Variants in CERS6 observed in about 807,000 individuals in gnomAD.
CERS6 encodes ceramide synthase 6.
A neutral mutation model predicts 56.8 loss-of-function variants in CERS6; 26 were observed. The ratio of observed to expected loss-of-function variants is 0.46; its 90% CI spans 0.34 to 0.63. The LOEUF (loss-of-function observed/expected upper bound fraction) is 0.63. Ranked by LOEUF, CERS6 falls within the 30% of genes least tolerant of loss-of-function variation. CERS6 has a pLI of 0.01. For missense variants in CERS6, 415 were observed against 467.5 expected, an observed-to-expected ratio of 0.89 and a Z score of 1.04; for synonymous variants, 164 against 173.3, an observed-to-expected ratio of 0.95 and a Z score of 0.42.
chr2:168,552,331 C>T (rs188886485), intron 2 of CERS6, among the ~76,000 whole-genome samples: 2 of 146,424 alleles, frequency 1.4e-5, no homozygotes, highest in African/African-American at 2.5e-5. Flanking sequence ...AAGAAACCCC[C>T]ACCCTACATA....
chr2:168,650,885 C>CAAG (rs1685326296), intron 4 of CERS6, among the ~76,000 whole-genome samples: 1 of 152,084 alleles, frequency 6.6e-6, no homozygotes, highest in Non-Finnish European at 1.5e-5. Flanking sequence ...CCATTTTTAT[C>CAAG]AGCATTACTC....
At chr2:168,576,118 A>C (rs1683260920) in intron 3 of CERS6, among the ~76,000 whole-genome samples, 1 of 152,104 alleles carries the variant, frequency 6.6e-6, no homozygotes, top group Non-Finnish European at 1.5e-5. Flanking sequence ...GGGACATCAG[A>C]GGAGAGCAAA....
In CERS6 at chr2:168,622,720, T is replaced by C. The variant is rs146320733; in HGVS notation, c.408-8265T>C. On this transcript the variant is annotated intron_variant, in intron 3 of 9. Transcript: ENST00000305747. ...CTTTCAAACAGAAAGAGCTGAGCCT[T>C]AAGCAAATGAAGAAAACTATTTGGA... Among the ~76,000 whole-genome samples the C allele has an allele frequency of 2.6e-3, 403 of 152,322 alleles. 4 individuals carry two copies. Among genetic ancestry groups the C allele is most frequent in the Non-Finnish European group, 4.7e-3 (322 of 68,018 alleles).
At chr2:168,578,697 A>T (rs1683337434) in intron 3 of CERS6, among the ~76,000 whole-genome samples, 1 of 152,170 alleles carries the variant, frequency 6.6e-6, no homozygotes, top group Admixed American at 6.5e-5. Flanking sequence ...TGCATATTAT[A>T]TCCTCATTAG....
At chr2:168,475,164 G>A (rs1694046191) in intron 1 of CERS6, among the ~76,000 whole-genome samples, 2 of 151,958 alleles carry the variant, frequency 1.3e-5, no homozygotes. Flanking sequence ...TATACCAATA[G>A]GATGGCATGT....
intron 1 of CERS6, among the ~76,000 whole-genome samples, chr2:168,494,593 G>A (rs1354474813): frequency 6.6e-6 from 1 of 152,190 alleles, no homozygotes; most frequent in East Asian, 1.9e-4. Flanking sequence ...TGAGCTGAGT[G>A]TGTCCTGCTG....
Position 168,457,298 on chromosome 2 carries a change from T to G in CERS6, c.170+680T>G, listed in dbSNP as rs559034871. 1.4e-3 allele frequency among the ~76,000 whole-genome samples: 213 copies of G among 152,250 alleles called. 1 individual carries two copies. The highest frequency in any genetic ancestry group is 4.9e-3 in the African/African-American group (203 of 41,550). On this transcript the variant is annotated intron_variant, in intron 1 of 9. Coordinates refer to ENST00000305747, the MANE Select transcript of CERS6 (RefSeq NM_203463.3). ...GACGGGTCCACATCCTGCAAAATGG[T>G]GATATTAAACTGATAACCCTGTCCT...
chr2:168,694,895 T>C, intron 5 of CERS6, 64 bp from the exon 6 acceptor site: 2 of 1,251,968 alleles, frequency 1.6e-6, no homozygotes, highest in Middle Eastern at 1.9e-4. Context: ...GCTTGAGATG[T>C]CTGGGATACA....
chr2:168,472,569 G>A (rs571494089), intron 1 of CERS6, among the ~76,000 whole-genome samples: 201 of 152,214 alleles, frequency 1.3e-3, no homozygotes, highest in Middle Eastern at 0.01. Flanking sequence ...TTTGGCCATC[G>A]AATTTAATAA....
intron 1 of CERS6, among the ~76,000 whole-genome samples, chr2:168,483,133 T>G (rs1358432892): frequency 1.3e-5 from 2 of 152,234 alleles, no homozygotes; most frequent in African/African-American, 4.8e-5. Flanking sequence ...GCTGTGCTAC[T>G]GCCACTCACT....
intron 6 of CERS6, among the ~76,000 whole-genome samples, chr2:168,701,189 C>T (rs554890567): frequency 5.3e-5 from 8 of 152,118 alleles, no homozygotes; most frequent in Non-Finnish European, 2.9e-5. Flanking sequence ...AGAAATAAGC[C>T]TTTGTTTTAA....
intron 4 of CERS6, among the ~76,000 whole-genome samples, chr2:168,645,087 TC>T (rs1559033912): frequency 1.0e-4 from 1 of 10,024 alleles, no homozygotes; most frequent in African/African-American, 3.7e-4. Flanking sequence ...CGAGACTGCA[TC>T]TTAAAAAAAA....
At chr2:168,685,805 T>C (rs1317095949) in intron 4 of CERS6, among the ~76,000 whole-genome samples, 4 of 151,962 alleles carry the variant, frequency 2.6e-5, no homozygotes, top group African/African-American at 4.8e-5. Flanking sequence ...CTGATGGATA[T>C]GCTTGCTGCT....
chr2:168,611,799 A>C (rs986345539), intron 3 of CERS6, among the ~76,000 whole-genome samples: 1 of 152,188 alleles, frequency 6.6e-6, no homozygotes, highest in African/African-American at 2.4e-5. Flanking sequence ...CTGACACATA[A>C]ATTTAACAAA....
intron 1 of CERS6, among the ~76,000 whole-genome samples, chr2:168,458,274 G>C (rs909753089): frequency 6.6e-6 from 1 of 152,192 alleles, no homozygotes; most frequent in Non-Finnish European, 1.5e-5. Flanking sequence ...ATTTGAAAGA[G>C]ATGTGCAGTC....
At position 168,456,607 on chromosome 2, in the gene CERS6, C is replaced by T. The variant is rs73016573; in HGVS notation, c.159C>T (p.Leu53=). 2,413 of 1,613,590 alleles carry T rather than the reference C, an allele frequency of 1.5e-3. 29 individuals are homozygous for T. The African/African-American group carries it at 0.027, about 18-fold the overall frequency. ...PLAFCIFMVR[L]IFERFVAKPC... ...CCTTCTGTATCTTCATGGTGCGGCT[C>T]ATCTTCGAGAGGTAAGAAGGGCTGA... The change falls in exon 1 of 10, where the codon CTC becomes CTT. Residue 53 remains leucine (L), a synonymous_variant. Coordinates refer to ENST00000305747, the MANE Select transcript of CERS6 (RefSeq NM_203463.3). The surrounding 1 kb of genome is among the most constrained non-coding windows in gnomAD (Gnocchi z 4.1).
intron 4 of CERS6, among the ~76,000 whole-genome samples, chr2:168,671,647 T>A (rs905740293): frequency 6.6e-6 from 1 of 152,240 alleles, no homozygotes; most frequent in Non-Finnish European, 1.5e-5. Context: ...GCACAGTAGC[T>A]ACATATAATA....
At chr2:168,504,502 G>C (rs1241740174) in intron 1 of CERS6, among the ~76,000 whole-genome samples, 2 of 152,326 alleles carry the variant, frequency 1.3e-5, no homozygotes, top group African/African-American at 4.8e-5. Context: ...GAGAAGGACT[G>C]TGCAGGTGAA....
chr2:168,533,716 T>C (rs1200224074), intron 1 of CERS6, among the ~76,000 whole-genome samples: 1 of 152,126 alleles, frequency 6.6e-6, no homozygotes, highest in African/African-American at 2.4e-5. Flanking sequence ...TCGTGGAGTA[T>C]CTTAGTGGTG....
Sources: allele counts gnomAD v4.1 joint callset (sites outside exome capture counted in the v4.1 genomes callset), GRCh38; gene constraint gnomAD v4.1.1; non-coding constraint Gnocchi (gnomAD v3.1); transcripts MANE v1.5; gene names NCBI Gene and HGNC (gene_info 2026-07-23, HGNC 2026-07-21).